TSHZ2: variants seen among roughly 807,000 people sequenced by gnomAD.
TSHZ2 encodes the protein teashirt zinc finger homeobox 2.
A neutral mutation model predicts 74.4 loss-of-function variants in TSHZ2; 21 were observed. The observed-to-expected ratio is 0.28, with a 90% CI of 0.20 to 0.41. The LOEUF (loss-of-function observed/expected upper bound fraction) is 0.41. TSHZ2 is among the 10% of genes least tolerant of loss of function. TSHZ2 has a pLI of 1.00. For synonymous variants in TSHZ2, 540 were observed against 515.3 expected (o/e 1.05, Z -0.65); for missense variants, 1,244 against 1,293.5 (o/e 0.96, Z 0.59).
chr20:53,295,766 G>A (rs1991365524), intron 2 of TSHZ2, among the ~76,000 whole-genome samples: 1 of 152,118 alleles, frequency 6.6e-6, no homozygotes, highest in Non-Finnish European at 1.5e-5. Context: ...TCTCTTTGTT[G>A]GGACAAGAGG....
chr20:53,040,932 C>A (rs933654008), intron 1 of TSHZ2, among the ~76,000 whole-genome samples: 3 of 152,172 alleles, frequency 2.0e-5, no homozygotes, highest in Admixed American at 6.5e-5. Context: ...ATTCACACAG[C>A]AGCTGCTTTC....
chr20:53,138,806 C>T (rs921041076), intron 1 of TSHZ2, among the ~76,000 whole-genome samples: 6 of 152,218 alleles, frequency 3.9e-5, no homozygotes, highest in African/African-American at 1.2e-4. Flanking sequence ...TTCCTTCAAT[C>T]CCCAGCACTA....
intron 2 of TSHZ2, among the ~76,000 whole-genome samples, chr20:53,416,317 G>A (rs1005940972): frequency 9.9e-5 from 15 of 152,234 alleles, no homozygotes; most frequent in East Asian, 1.9e-4. Context: ...GAAAGAGCAC[G>A]TGCTGATACC....
chr20:53,223,219 G>C (rs1470975887), intron 1 of TSHZ2, among the ~76,000 whole-genome samples: 1 of 151,976 alleles, frequency 6.6e-6, no homozygotes, highest in Non-Finnish European at 1.5e-5. Context: ...CCTATGGCAG[G>C]ATTTCCCAAG....
chr20:53,202,493 G>T (rs760813341), intron 1 of TSHZ2, among the ~76,000 whole-genome samples: 1 of 152,016 alleles, frequency 6.6e-6, no homozygotes, highest in Non-Finnish European at 1.5e-5. Flanking sequence ...AGAATTTAGC[G>T]AACACTTACT....
In TSHZ2 at chr20:53,254,755, T is replaced by C; in HGVS notation, c.1297T>C (p.Ser433Pro). The change falls in exon 2 of 3, where the codon TCT becomes CCT. Residue 433 changes from serine to proline, a missense_variant. This residue lies in a region of TSHZ2 where 562 missense variants were observed against 544.0 expected (regional missense o/e 1.03). Coordinates refer to ENST00000371497, the MANE Select transcript of TSHZ2 (RefSeq NM_173485.6). ...AGCAGTGGAGAAAATGCAGTCGTTGTCTGAGGCCCCAAACAGTGATTCTCT... is the reference window on the plus strand; with the variant it reads ...AGCAGTGGAGAAAATGCAGTCGTTGCCTGAGGCCCCAAACAGTGATTCTCT... Reference protein sequence around the residue: ...PLAVEKMQSLSEAPNSDSLAP... With the variant: ...PLAVEKMQSLPEAPNSDSLAP... 5 of 1,613,458 alleles carry C rather than the reference T, an allele frequency of 3.1e-6. No homozygotes were observed. Among genetic ancestry groups the C allele is most frequent in the Non-Finnish European group, 4.2e-6 (5 of 1,179,508 alleles).
intron 1 of TSHZ2, among the ~76,000 whole-genome samples, chr20:53,099,972 G>C (rs1014042556): frequency 3.9e-5 from 6 of 152,174 alleles, no homozygotes; most frequent in African/African-American, 1.4e-4. Flanking sequence ...AGCAGTGAAG[G>C]GGGAATGGAA....
At chr20:53,284,653 A>C (rs1991129952) in intron 2 of TSHZ2, among the ~76,000 whole-genome samples, 3 of 152,178 alleles carry the variant, frequency 2.0e-5, no homozygotes, top group Non-Finnish European at 4.4e-5. Context: ...TGCCAAAAAC[A>C]CGGGAAAACA....
intron 1 of TSHZ2, among the ~76,000 whole-genome samples, chr20:53,093,101 C>T: frequency 6.6e-6 from 1 of 152,194 alleles, no homozygotes. Flanking sequence ...TACTTACCAG[C>T]TGTGGGTGCC....
intron 2 of TSHZ2, among the ~76,000 whole-genome samples, chr20:53,405,248 C>CAAAAAAAAAAAAAAAAAA (rs796097312): frequency 7.0e-6 from 1 of 143,340 alleles, no homozygotes; most frequent in African/African-American, 2.8e-5. Context: ...GACTCTGTCT[C>CAAAAAAAAAAAAAAAAAA]AAAAAAAAAA....
At chr20:53,358,903 T>C (rs1353812871) in intron 2 of TSHZ2, among the ~76,000 whole-genome samples, 1 of 152,210 alleles carries the variant, frequency 6.6e-6, no homozygotes, top group Non-Finnish European at 1.5e-5. Context: ...ATTTTTCTTA[T>C]TTTAAAAACC....
At chr20:53,250,859 T>G (rs938935499) in intron 1 of TSHZ2, among the ~76,000 whole-genome samples, 1 of 151,580 alleles carries the variant, frequency 6.6e-6, no homozygotes, top group Non-Finnish European at 1.5e-5. Context: ...AAAGAACACT[T>G]CTTTTCTCCT....
At chr20:53,240,558 C>A (rs569733035) in intron 1 of TSHZ2, among the ~76,000 whole-genome samples, 1 of 152,252 alleles carries the variant, frequency 6.6e-6, no homozygotes, top group East Asian at 1.9e-4. Flanking sequence ...TAAGGAGATG[C>A]TTTTCCAGGA....
At chr20:53,045,286 C>T (rs1350441987) in intron 1 of TSHZ2, among the ~76,000 whole-genome samples, 1 of 152,212 alleles carries the variant, frequency 6.6e-6, no homozygotes, top group Non-Finnish European at 1.5e-5. Context: ...TTCTCTCAAC[C>T]TTCCGTGATT....
rs73135930 is a variant in TSHZ2, at chr20:53,423,792, A to C, written c.*9-63352A>C. On this transcript the variant is annotated intron_variant, in intron 2 of 2. Coordinates refer to ENST00000371497, the MANE Select transcript of TSHZ2 (RefSeq NM_173485.6). ...CAGGATAGTCAACAACTGGTCCAAA[A>C]TGACCACACTGTCAAGTAATCAACT... Among the ~76,000 whole-genome samples the C allele has an allele frequency of 3.6e-3, 554 of 152,364 alleles. 2 individuals carry two copies. The highest frequency in any genetic ancestry group is 6.2e-3 in the Non-Finnish European group (423 of 68,038).
intron 1 of TSHZ2, among the ~76,000 whole-genome samples, chr20:53,087,003 G>A (rs1000272132): frequency 3.3e-5 from 5 of 152,196 alleles, no homozygotes; most frequent in Non-Finnish European, 7.4e-5. Context: ...TTTCATGCTA[G>A]ATAGGATGGC....
chr20:52,983,520 T>G (rs1160124682), intron 1 of TSHZ2, among the ~76,000 whole-genome samples: 3 of 152,260 alleles, frequency 2.0e-5, no homozygotes, highest in Non-Finnish European at 4.4e-5. Flanking sequence ...ATTCATATAT[T>G]GCTTTGTATA....
Position 53,180,108 on chromosome 20 carries a change from CATTA to C in TSHZ2, c.41-73386_41-73383del, listed in dbSNP as rs776487690. ...TTCATGTGGCATTGAGTACTTTCCC[CATTA>C]ATTACTTCAGTAGCTTCAGAGATTC... On this transcript the variant is annotated intron_variant, in intron 1 of 2. Transcript: ENST00000371497. Among the ~76,000 whole-genome samples the C allele has an allele frequency of 5.5e-4, 84 of 152,270 alleles. 1 individual carries two copies. Among genetic ancestry groups the C allele is most frequent in the Admixed American group, 3.2e-3 (49 of 15,300 alleles).
intron 1 of TSHZ2, among the ~76,000 whole-genome samples, chr20:53,250,787 T>C (rs1990308250): frequency 1.3e-5 from 2 of 151,646 alleles, no homozygotes; most frequent in East Asian, 1.9e-4. Context: ...ACAAAGTAGA[T>C]TGTGAGGTTG....
Sources: gnomAD v4.1 joint callset for allele counts (sites outside exome capture counted in the v4.1 genomes callset) on GRCh38, gnomAD v4.1.1 for gene constraint, gnomAD v4.1.1 regional missense constraint, MANE v1.5 for transcripts, NCBI Gene and HGNC (gene_info 2026-07-23, HGNC 2026-07-21) for gene names.